The following CORO2B variants were observed in gnomAD, a reference collection of about 807,000 sequenced individuals.
CORO2B encodes coronin 2B.
CORO2B carries 26 observed loss-of-function variants against 58.8 expected under a neutral mutation model. That is an observed-to-expected ratio of 0.44 (90% CI 0.32 to 0.61). The LOEUF (loss-of-function observed/expected upper bound fraction) is 0.61, where lower values mean the gene tolerates loss of function less well. Ranked by LOEUF, CORO2B falls within the 20% of genes least tolerant of loss-of-function variation. The pLI is 0.04. For missense variants in CORO2B, 460 were observed against 645.1 expected, an observed-to-expected ratio of 0.71 and a Z score of 3.11; for synonymous variants, 242 against 253.8, an observed-to-expected ratio of 0.95 and a Z score of 0.44.
rs543637910 is a variant in CORO2B, at chr15:68,710,864, G to T, written c.466G>T (p.Ala156Ser). 422 of 1,608,168 alleles carry T rather than the reference G, an allele frequency of 2.6e-4. 4 individuals carry two copies. In the South Asian group the frequency reaches 4.4e-3, roughly 17 times the overall value. The change falls in exon 4 of 12, where the codon GCT becomes TCT. Residue 156 changes from alanine to serine, a missense_variant. Ala to Ser is a moderately conservative substitution (Grantham distance 99). Transcript: ENST00000261861. The surrounding 1 kb of genome is among the most constrained non-coding windows in gnomAD (Gnocchi z 4.1). Reference protein sequence around the residue: ...HPTTNNILFSAGYDYKVLIWN... With the variant: ...HPTTNNILFSSGYDYKVLIWN... Reference sequence around the variant, plus strand: ...CACCACCAACAACATCCTGTTCAGCGCTGGCTACGACTACAAGGTATGCAG... The same window carrying T: ...CACCACCAACAACATCCTGTTCAGCTCTGGCTACGACTACAAGGTATGCAG...
At chr15:68,572,655 A>G in the CORO2B span, among the ~76,000 whole-genome samples, 1 of 152,134 alleles carries the variant, frequency 6.6e-6, no homozygotes, top group South Asian at 2.1e-4. Flanking sequence ...ATGGAGCCCC[A>G]TAATTTGCAT....
At chr15:68,639,309 G>A (rs1901132382) in intron 1 of CORO2B, among the ~76,000 whole-genome samples, 1 of 152,222 alleles carries the variant, frequency 6.6e-6, no homozygotes, top group Non-Finnish European at 1.5e-5. Flanking sequence ...GCAGGGGCCA[G>A]AAGGAGTTGG....
chr15:68,544,498 T>C, the CORO2B span, among the ~76,000 whole-genome samples: 1 of 152,208 alleles, frequency 6.6e-6, no homozygotes, highest in Non-Finnish European at 1.5e-5. Context: ...ATCCATCCTG[T>C]TCCAGGTGGA....
At chr15:68,632,336 C>T (rs1182063633) in intron 1 of CORO2B, 2 of 985,280 alleles carry the variant, frequency 2.0e-6, no homozygotes, top group African/African-American at 1.7e-5. Context: ...CCAGGAGCCC[C>T]ACCTGGTAGG....
At chr15:68,586,699 C>G (rs1412257050) in intron 1 of CORO2B, among the ~76,000 whole-genome samples, 1 of 152,178 alleles carries the variant, frequency 6.6e-6, no homozygotes, top group East Asian at 1.9e-4. Context: ...CCTCCGGATT[C>G]TGGCCTCTTT....
At chr15:68,590,011 T>C (rs1434291126) in intron 1 of CORO2B, among the ~76,000 whole-genome samples, 3 of 152,142 alleles carry the variant, frequency 2.0e-5, no homozygotes, top group Admixed American at 6.5e-5. Flanking sequence ...CCTGGCACAC[T>C]GGGCTGCCAG....
the CORO2B span, among the ~76,000 whole-genome samples, chr15:68,523,663 T>C: frequency 6.6e-6 from 1 of 152,240 alleles, no homozygotes; most frequent in African/African-American, 2.4e-5. Flanking sequence ...CTCTTGGACC[T>C]TGGCTCCTCA....
intron 1 of CORO2B, among the ~76,000 whole-genome samples, chr15:68,602,347 G>T (rs1365840728): frequency 1.3e-5 from 2 of 150,234 alleles, no homozygotes; most frequent in South Asian, 4.2e-4. Context: ...GGAAGAATTG[G>T]GAGACAGGAA....
At chr15:68,537,988 C>A in the CORO2B span, among the ~76,000 whole-genome samples, 10 of 152,278 alleles carry the variant, frequency 6.6e-5, no homozygotes, top group African/African-American at 2.2e-4. Flanking sequence ...TGGCGGGGAG[C>A]CTTGTTCATA....
chr15:68,563,906 G>A, the CORO2B span, among the ~76,000 whole-genome samples: 2 of 152,154 alleles, frequency 1.3e-5, no homozygotes, highest in Admixed American at 1.3e-4. Context: ...AGGACCAGAA[G>A]GCTTCACTGG....
At chr15:68,590,866 C>T (rs1899686145) in intron 1 of CORO2B, among the ~76,000 whole-genome samples, 1 of 152,094 alleles carries the variant, frequency 6.6e-6, no homozygotes, top group African/African-American at 2.4e-5. Flanking sequence ...GACAGCCAAG[C>T]TTATTCTGTG....
the CORO2B span, among the ~76,000 whole-genome samples, chr15:68,541,092 T>G: frequency 6.6e-6 from 1 of 151,772 alleles, no homozygotes; most frequent in East Asian, 1.9e-4. Context: ...GTTAGCCAGG[T>G]GTTGTGGTAG....
intron 3 of CORO2B, among the ~76,000 whole-genome samples, chr15:68,696,113 G>A (rs368342006): frequency 6.6e-6 from 1 of 151,796 alleles, no homozygotes; most frequent in African/African-American, 2.4e-5. Flanking sequence ...AGGTGGGTGT[G>A]GTGGTGCACA....
chr15:68,601,896 G>A (rs1899992825), intron 1 of CORO2B, among the ~76,000 whole-genome samples: 1 of 152,098 alleles, frequency 6.6e-6, no homozygotes, highest in African/African-American at 2.4e-5. Context: ...CCAAGATCAA[G>A]TCATCAGCAA....
At chr15:68,556,853 C>A in the CORO2B span, among the ~76,000 whole-genome samples, 2 of 152,182 alleles carry the variant, frequency 1.3e-5, no homozygotes, top group African/African-American at 4.8e-5. Flanking sequence ...TCCTAGAGTT[C>A]TCCTTGTGGG....
At position 68,596,814 on chromosome 15, in the gene CORO2B, C is replaced by T. The variant is rs71402278; in HGVS notation, c.15+17537C>T. 7.5e-3 allele frequency among the ~76,000 whole-genome samples: 1,149 copies of T among 152,276 alleles called. 7 individuals carry two copies. The highest frequency in any genetic ancestry group is 0.012 in the Non-Finnish European group (827 of 68,004). ...GAGAAGATCCAGATCCACAAACCCACGGGGAGAAATGGCCGCGCATCACGC... is the reference window on the plus strand; with the variant it reads ...GAGAAGATCCAGATCCACAAACCCATGGGGAGAAATGGCCGCGCATCACGC... On this transcript the variant is annotated intron_variant, in intron 1 of 11. Coordinates refer to ENST00000261861, the MANE Select transcript of CORO2B (RefSeq NM_006091.5).
chr15:68,639,402 T>C (rs1007059696), intron 1 of CORO2B, among the ~76,000 whole-genome samples: 2 of 152,198 alleles, frequency 1.3e-5, no homozygotes, highest in Non-Finnish European at 2.9e-5. Flanking sequence ...AAAGCATTAA[T>C]CAGCTCTGTG....
chr15:68,524,995 G>A, the CORO2B span, among the ~76,000 whole-genome samples: 4 of 152,284 alleles, frequency 2.6e-5, no homozygotes, highest in Admixed American at 6.5e-5. Flanking sequence ...AGGAATTTAT[G>A]AGAAATACAA....
At chr15:68,531,543 GGAAGGAAGGAAGGAAA>G in the CORO2B span, among the ~76,000 whole-genome samples, 5 of 31,684 alleles carry the variant, frequency 1.6e-4, no homozygotes, top group Admixed American at 4.2e-4. Flanking sequence ...AAGGAAGGAA[GGAAGGAAGGAAGGAAA>G]GAAAGAGAAA....
Sources: gnomAD v4.1 joint callset for allele counts (sites outside exome capture counted in the v4.1 genomes callset) on GRCh38, gnomAD v4.1.1 for gene constraint, Gnocchi (gnomAD v3.1) non-coding constraint, MANE v1.5 for transcripts, NCBI Gene and HGNC (gene_info 2026-07-23, HGNC 2026-07-21) for gene names.